SCUBE2: variants seen among roughly 807,000 people sequenced by gnomAD.
SCUBE2 encodes the protein signal peptide, CUB domain and EGF like domain containing 2.
Under a neutral mutation model 125.9 loss-of-function variants are expected in SCUBE2, and 114 were observed. That is an observed-to-expected ratio of 0.91 (90% CI 0.78 to 1.06). The LOEUF is 1.06. Among genes scored for constraint, SCUBE2 ranks in the 50% least tolerant of loss-of-function variants. The pLI is 0.00. For missense variants in SCUBE2, 1,255 were observed against 1,301.8 expected (o/e 0.96, Z 0.55); for synonymous variants, 459 against 492.9 (o/e 0.93, Z 0.91).
At chr11:9,081,884 T>A (rs1018988836) in intron 2 of SCUBE2, among the ~76,000 whole-genome samples, 11 of 152,244 alleles carry the variant, frequency 7.2e-5, no homozygotes, top group East Asian at 1.9e-4. Flanking sequence ...TAATTTTTTT[T>A]AAAATTTTTT....
intron 11 of SCUBE2, 148 bp from the exon 12 acceptor site, chr11:9,053,363 C>T: frequency 2.6e-6 from 2 of 772,144 alleles, no homozygotes; most frequent in Non-Finnish European, 4.1e-6. Context: ...CTTATTCCCA[C>T]CAAGGGAAAG....
intron 2 of SCUBE2, among the ~76,000 whole-genome samples, chr11:9,079,711 T>C (rs987124195): frequency 2.0e-5 from 3 of 152,050 alleles, no homozygotes; most frequent in Admixed American, 6.6e-5. Flanking sequence ...TTTCCATAGA[T>C]AGAAAAATAG....
rs770541852 is a variant in SCUBE2 at position 9,079,467 on chromosome 11, T to C, written c.299A>G (p.His100Arg). The C allele has an allele frequency of 1.6e-5, 26 of 1,614,006 alleles. 2 individuals are homozygous for C. Among genetic ancestry groups the C allele is most frequent in the South Asian group, 1.5e-4 (14 of 91,080 alleles). ...CGNELNGGCVHDCLNIPGNYR... is the reference protein window; with the variant it reads ...CGNELNGGCVRDCLNIPGNYR... ...ATTGCCTGGAATATTCAAACAGTCA[T>C]GGACACAGCCTCCATTGAGCTCATT... Residue 100 changes from histidine (H) to arginine (R), a missense_variant, in exon 3 of 23, where the codon CAT becomes CGT. His to Arg is a conservative substitution (Grantham distance 29). Transcript: ENST00000649792.
rs972958405 is a variant in SCUBE2 at position 9,091,313 on chromosome 11, G to A, written c.133+83C>T. 2 of 1,022,462 alleles carry A rather than the reference G, an allele frequency of 2.0e-6. No homozygotes were observed. Among genetic ancestry groups the A allele is most frequent in the Admixed American group, 4.0e-5 (1 of 24,742 alleles). 63.3% of individuals were successfully genotyped at this position (1,022,462 alleles called of 1,614,324 possible). ...CGCCAGCCCCGAGCCCCGCGCGCCC[G>A]GCTCTGGACTCCGCCGGGGACCTAA... On this transcript the variant is annotated intron_variant, in intron 1 of 22. Transcript: ENST00000649792. This position sits in a 1 kb window ranked among gnomAD's most constrained non-coding sequence, Gnocchi z 8.5.
intron 9 of SCUBE2, among the ~76,000 whole-genome samples, chr11:9,058,592 T>G (rs1590089753): frequency 1.4e-5 from 1 of 72,328 alleles, no homozygotes; most frequent in African/African-American, 6.9e-5. Context: ...CGAGACTCTG[T>G]CTCAAAAAAA....
At chr11:9,028,564 G>T (rs146665559) in intron 19 of SCUBE2, among the ~76,000 whole-genome samples, 36 of 152,272 alleles carry the variant, frequency 2.4e-4, no homozygotes, top group African/African-American at 7.5e-4. Flanking sequence ...TGCTCTCAAG[G>T]AGCTCATTAT....
rs3794148 is a variant in SCUBE2 at position 9,042,300 on chromosome 11, T to G, written c.2002+5056A>C. 1.3e-3 allele frequency among the ~76,000 whole-genome samples: 197 copies of G among 152,212 alleles called. 6 individuals are homozygous for G. In the East Asian group the frequency reaches 0.036, roughly 28 times the overall value. On this transcript the variant is annotated intron_variant, in intron 16 of 22. Transcript: ENST00000649792. ...TGTGTCCCTTCTCTCTATCCCCTATTCTTCGTCCCCATGGCATGAATGTCC... is the reference window on the plus strand; with the variant it reads ...TGTGTCCCTTCTCTCTATCCCCTATGCTTCGTCCCCATGGCATGAATGTCC...
At chr11:9,074,460 T>C (rs763830572) in intron 4 of SCUBE2, 21 bp downstream of exon 4, 14 of 1,613,510 alleles carry the variant, frequency 8.7e-6, no homozygotes. Context: ...TCTGCCCCCA[T>C]CCACAGCTGG....
At chr11:9,038,571 C>T (rs1258855387) in intron 16 of SCUBE2, among the ~76,000 whole-genome samples, 1 of 152,154 alleles carries the variant, frequency 6.6e-6, no homozygotes, top group Non-Finnish European at 1.5e-5. Flanking sequence ...GCCAAAATCA[C>T]ACCACTACAC....
chr11:9,038,926 C>T (rs981442906), intron 16 of SCUBE2, among the ~76,000 whole-genome samples: 3 of 151,832 alleles, frequency 2.0e-5, no homozygotes, highest in Non-Finnish European at 2.9e-5. Context: ...GACAGGGTTG[C>T]GCTCTGTTAC....
chr11:9,030,666 T>C, intron 18 of SCUBE2, 92 bp downstream of exon 18: 1 of 1,350,418 alleles, frequency 7.4e-7, no homozygotes, highest in Non-Finnish European at 1.0e-6. Flanking sequence ...GGGCACTGCA[T>C]CAGGCTGGGC....
At chr11:9,073,974 G>C (rs1376905551) in intron 4 of SCUBE2, among the ~76,000 whole-genome samples, 2 of 152,188 alleles carry the variant, frequency 1.3e-5, no homozygotes, top group Non-Finnish European at 2.9e-5. Flanking sequence ...AGTCCAGGGA[G>C]GGAGCCCTTC....
intron 4 of SCUBE2, among the ~76,000 whole-genome samples, chr11:9,070,772 T>C (rs1167857200): frequency 1.3e-5 from 2 of 152,214 alleles, no homozygotes; most frequent in Non-Finnish European, 2.9e-5. Context: ...ACAATTGTTT[T>C]AATACAAACA....
At chr11:9,089,487 C>T (rs1862422538) in intron 2 of SCUBE2, among the ~76,000 whole-genome samples, 1 of 152,180 alleles carries the variant, frequency 6.6e-6, no homozygotes, top group South Asian at 2.1e-4. Context: ...GACAAAAGGA[C>T]ATTTCAGAGC....
At chr11:9,045,765 G>A (rs1337566222) in intron 16 of SCUBE2, among the ~76,000 whole-genome samples, 1 of 152,048 alleles carries the variant, frequency 6.6e-6, no homozygotes, top group African/African-American at 2.4e-5. Flanking sequence ...GAATGTCACT[G>A]GTAACTGCTT....
intron 16 of SCUBE2, among the ~76,000 whole-genome samples, chr11:9,045,939 T>A (rs1414175657): frequency 6.6e-6 from 1 of 151,268 alleles, no homozygotes; most frequent in African/African-American, 2.4e-5. Context: ...ATGACAAGCA[T>A]CTCAGGGACA....
At chr11:9,072,587 A>G (rs553901597) in intron 4 of SCUBE2, among the ~76,000 whole-genome samples, 10 of 152,196 alleles carry the variant, frequency 6.6e-5, no homozygotes, top group Non-Finnish European at 1.2e-4. Flanking sequence ...AAAACTTTTT[A>G]CAGGCTGTTC....
At position 9,021,094 on chromosome 11, in the gene SCUBE2, A is replaced by G. The variant is rs780285061; in HGVS notation, c.3038T>C (p.Ile1013Thr). 1 of 1,613,782 alleles carries G rather than the reference A, an allele frequency of 6.2e-7. No homozygotes were observed. Among genetic ancestry groups the G allele is most frequent in the South Asian group, 1.1e-5 (1 of 90,944 alleles). Reference protein sequence around the residue: ...ESREMFPRSFIRLLRSKVSRF... With the variant: ...ESREMFPRSFTRLLRSKVSRF... Reference sequence around the variant, plus strand: ...GGACACTTTGGAACGTAGCAATCGGATGAACGATCTTGGAAACATCTCTCG... The same window carrying G: ...GGACACTTTGGAACGTAGCAATCGGGTGAACGATCTTGGAAACATCTCTCG... Residue 1013 changes from isoleucine (I) to threonine (T), a missense_variant, in exon 23 of 23, where the codon ATC (isoleucine) becomes ACC (threonine). Around this residue, in one of 3 missense-constraint regions of SCUBE2, gnomAD observed 515 missense variants for 515.7 expected, o/e 1.00. Coordinates refer to ENST00000649792, the MANE Select transcript of SCUBE2 (RefSeq NM_001367977.2).
chr11:9,064,246 C>T (rs754113363), intron 7 of SCUBE2, among the ~76,000 whole-genome samples: 2 of 152,084 alleles, frequency 1.3e-5, no homozygotes, highest in East Asian at 1.9e-4. Context: ...GTAGGCAGAT[C>T]GCTAGAGCCC....
Sources: gnomAD v4.1 joint callset for allele counts (sites outside exome capture counted in the v4.1 genomes callset) on GRCh38, gnomAD v4.1.1 for gene constraint, gnomAD v4.1.1 regional missense constraint, Gnocchi (gnomAD v3.1) non-coding constraint, MANE v1.5 for transcripts, NCBI Gene and HGNC (gene_info 2026-07-23, HGNC 2026-07-21) for gene names.